Variants in GALNT13 observed in about 807,000 individuals in gnomAD.
GALNT13 encodes UDP-GalNAc:polypeptide N-acetylgalactosaminyltransferase 13.
In GALNT13, 28 loss-of-function variants were observed where a neutral mutation model predicts 64.2. That is an observed-to-expected ratio of 0.44 (90% CI 0.32 to 0.60). The LOEUF (loss-of-function observed/expected upper bound fraction) is 0.60. Among genes scored for constraint, GALNT13 ranks in the 20% least tolerant of loss-of-function variants. The pLI, the probability that GALNT13 is intolerant of heterozygous loss-of-function variation, is 0.05. For synonymous variants in GALNT13, 214 were observed against 224.6 expected, an observed-to-expected ratio of 0.95 and a Z score of 0.42; for missense variants, 577 against 669.8, an observed-to-expected ratio of 0.86 and a Z score of 1.53.
rs992684798 is a variant in GALNT13 at position 154,449,337 on chromosome 2, T to C, written c.1531-1074T>C. 2.0e-5 allele frequency among the ~76,000 whole-genome samples: 3 copies of C among 148,548 alleles called. 1 individual carries two copies. Among genetic ancestry groups the C allele is most frequent in the Admixed American group, 7.0e-5 (1 of 14,216 alleles). ...GTTTTCAGTCCTAATCTAAGCAAAC[T>C]ACAATCGTCTGGCTGCTGTTCCTCT... On this transcript the variant is annotated intron_variant, in intron 12 of 12. Coordinates refer to ENST00000392825, the MANE Select transcript of GALNT13 (RefSeq NM_052917.4).
intron 2 of GALNT13, among the ~76,000 whole-genome samples, chr2:153,908,412 A>G (rs942890635): frequency 5.3e-5 from 8 of 151,984 alleles, no homozygotes; most frequent in African/African-American, 1.7e-4. Flanking sequence ...CCATTTGTCA[A>G]TTTTTGCTTT....
the GALNT13 span, among the ~76,000 whole-genome samples, chr2:153,686,430 C>T: frequency 2.8e-4 from 42 of 151,698 alleles, no homozygotes; most frequent in South Asian, 7.1e-3. Flanking sequence ...AGTTCATTCC[C>T]GATTTGGCTC....
chr2:153,762,301 AT>A, the GALNT13 span: 1 of 152,064 alleles, frequency 6.6e-6, no homozygotes, highest in African/African-American at 2.4e-5. Context: ...CATCACATAC[AT>A]TTTTTAAGGT....
chr2:153,904,677 A>C (rs965161948), intron 2 of GALNT13, among the ~76,000 whole-genome samples: 4 of 151,900 alleles, frequency 2.6e-5, no homozygotes, highest in African/African-American at 9.7e-5. Context: ...AGTTAGTTAC[A>C]CTAGATTAAG....
chr2:154,034,354 T>C (rs911387433), intron 3 of GALNT13, among the ~76,000 whole-genome samples: 1 of 152,202 alleles, frequency 6.6e-6, no homozygotes, highest in Non-Finnish European at 1.5e-5. Flanking sequence ...ATATGACATA[T>C]TGGAAAATAT....
chr2:154,016,862 T>C (rs1697043968), intron 3 of GALNT13, among the ~76,000 whole-genome samples: 1 of 152,208 alleles, frequency 6.6e-6, no homozygotes, highest in African/African-American at 2.4e-5. Context: ...TAAATGATCA[T>C]TGTTGAAAAG....
Position 154,114,570 on chromosome 2 carries a change from G to T in GALNT13, c.143-25767G>T, listed in dbSNP as rs186823500. Among the ~76,000 whole-genome samples the T allele has an allele frequency of 8.1e-4, 122 of 151,032 alleles. 3 individuals carry two copies. In the East Asian group the frequency reaches 0.021, roughly 26 times the overall value. ...GAAATATTAACAGCATAAATTGTCA[G>T]TAGTGTAGTGGGGTCCTTCCTTAAG... On this transcript the variant is annotated intron_variant, in intron 3 of 12. Transcript: ENST00000392825.
chr2:153,894,608 C>T (rs932916780), intron 1 of GALNT13, among the ~76,000 whole-genome samples: 1 of 151,840 alleles, frequency 6.6e-6, no homozygotes, highest in Non-Finnish European at 1.5e-5. Context: ...GGAGGACATA[C>T]TAGGGATGAC....
At chr2:153,854,622 TAA>T in the GALNT13 span, among the ~76,000 whole-genome samples, 3 of 151,992 alleles carry the variant, frequency 2.0e-5, no homozygotes, top group South Asian at 6.2e-4. Context: ...ACAAAAAATA[TAA>T]GACACCTTTT....
the GALNT13 span, among the ~76,000 whole-genome samples, chr2:153,519,873 C>T: frequency 6.6e-6 from 1 of 152,024 alleles, no homozygotes; most frequent in Non-Finnish European, 1.5e-5. Flanking sequence ...TAGGTAAATC[C>T]AGAATATCTG....
At chr2:153,900,697 C>A (rs11883791) in intron 1 of GALNT13, among the ~76,000 whole-genome samples, 37,159 of 152,050 alleles carry the variant, frequency 0.24, 4,834 homozygotes, top group Non-Finnish European at 0.28. Context: ...AGTATGCAGA[C>A]TTCTCTTACC....
intron 7 of GALNT13, among the ~76,000 whole-genome samples, chr2:154,246,675 G>C (rs141097378): frequency 1.6e-4 from 25 of 151,976 alleles, no homozygotes; most frequent in Admixed American, 2.6e-4. Context: ...AAATACTTTC[G>C]GAAGTATTCA....
Position 154,041,598 on chromosome 2 carries a change from T to A in GALNT13, c.142+96959T>A, listed in dbSNP as rs960332832. 2.6e-4 allele frequency among the ~76,000 whole-genome samples: 36 copies of A among 140,690 alleles called. 2 individuals are homozygous for A. The highest frequency in any genetic ancestry group is 8.3e-4 in the African/African-American group (34 of 40,904). The allele number at this position is 140,690 out of a possible 152,430, so 92.3% of individuals were successfully genotyped here. On this transcript the variant is annotated intron_variant, in intron 3 of 12. Coordinates refer to ENST00000392825, the MANE Select transcript of GALNT13 (RefSeq NM_052917.4). ...TAGCTGGCTTTGAAACCTATTGACA[T>A]GTGAGAAGTTCAGAGTTCCTTCAGC...
intron 9 of GALNT13, among the ~76,000 whole-genome samples, chr2:154,350,106 ATTC>A (rs1696308217): frequency 6.6e-6 from 1 of 152,252 alleles, no homozygotes; most frequent in African/African-American, 2.4e-5. Flanking sequence ...TGTCTAGTTT[ATTC>A]ATTTGTGCAT....
intron 4 of GALNT13, among the ~76,000 whole-genome samples, chr2:154,215,620 C>G (rs983020678): frequency 6.6e-6 from 1 of 152,150 alleles, no homozygotes; most frequent in African/African-American, 2.4e-5. Context: ...TAAAACCCTT[C>G]TTCGTATCCG....
At chr2:153,112,111 A>G in the GALNT13 span, among the ~76,000 whole-genome samples, 1 of 151,996 alleles carries the variant, frequency 6.6e-6, no homozygotes, top group Non-Finnish European at 1.5e-5. Flanking sequence ...TTCCTTCCAT[A>G]TGGCGGGGGC....
At chr2:153,804,449 T>A in the GALNT13 span, among the ~76,000 whole-genome samples, 1 of 152,152 alleles carries the variant, frequency 6.6e-6, no homozygotes, top group Admixed American at 6.5e-5. Flanking sequence ...AGTGTCGGGA[T>A]TATAGGCATG....
chr2:153,184,275 CTGT>C, the GALNT13 span, among the ~76,000 whole-genome samples: 1,861 of 152,098 alleles, frequency 0.012, 45 homozygotes, highest in African/African-American at 0.042. Context: ...CTCGGCTTGC[CTGT>C]TGTTGGTGTA....
chr2:154,131,723 A>G (rs72871851), intron 3 of GALNT13, among the ~76,000 whole-genome samples: 10,921 of 152,294 alleles, frequency 0.072, 468 homozygotes, highest in Middle Eastern at 0.14. Flanking sequence ...ATGCATATAT[A>G]AAAAGGGAGT....
Sources: gnomAD v4.1 joint callset for allele counts (sites outside exome capture counted in the v4.1 genomes callset) on GRCh38, gnomAD v4.1.1 for gene constraint, MANE v1.5 for transcripts, NCBI Gene and HGNC (gene_info 2026-07-23, HGNC 2026-07-21) for gene names.